The following SOS2 variants were observed in gnomAD, a reference collection of about 807,000 sequenced individuals.
SOS2 encodes SOS Ras/Rho guanine nucleotide exchange factor 2, also known as son of sevenless homolog 2.
In SOS2, 65 loss-of-function variants were observed where a neutral mutation model predicts 148.2. The observed-to-expected ratio is 0.44, with a 90% CI of 0.36 to 0.54. The LOEUF (loss-of-function observed/expected upper bound fraction) is 0.54, where lower values mean the gene tolerates loss of function less well. Ranked by LOEUF, SOS2 falls within the 20% of genes least tolerant of loss-of-function variation. The probability of loss-of-function intolerance (pLI) is 0.00; values close to 1 mark genes in which losing one functional copy is unlikely to be tolerated. For synonymous variants in SOS2, 539 were observed against 537.1 expected (o/e 1.00, Z -0.05); for missense variants, 1,341 against 1,590.2 (o/e 0.84, Z 2.67).
At chr14:50,226,454 G>T (rs561008907) in intron 1 of SOS2, among the ~76,000 whole-genome samples, 1 of 152,252 alleles carries the variant, frequency 6.6e-6, no homozygotes, top group South Asian at 2.1e-4. Flanking sequence ...TACAAACGCA[G>T]AAACACTAGG....
chr14:50,221,422 G>A (rs568837507), intron 1 of SOS2, among the ~76,000 whole-genome samples: 1 of 152,246 alleles, frequency 6.6e-6, no homozygotes, highest in Non-Finnish European at 1.5e-5. Context: ...GAGTAAAGCA[G>A]GGTCTCCTTT....
intron 16 of SOS2, among the ~76,000 whole-genome samples, chr14:50,141,272 C>T (rs908485180): frequency 6.9e-6 from 1 of 145,444 alleles, no homozygotes; most frequent in South Asian, 2.1e-4. Flanking sequence ...GTAATCCCAG[C>T]ACTTTGAGAT....
chr14:50,195,640 A>G (rs1595013943), intron 4 of SOS2, among the ~76,000 whole-genome samples: 1 of 152,020 alleles, frequency 6.6e-6, no homozygotes, highest in East Asian at 1.9e-4. Context: ...AGGCACCTAT[A>G]GCTCTAGCTA....
chr14:50,220,483 A>G (rs1323265999), intron 1 of SOS2, among the ~76,000 whole-genome samples: 1 of 151,696 alleles, frequency 6.6e-6, no homozygotes, highest in Non-Finnish European at 1.5e-5. Flanking sequence ...TCACAGCAGC[A>G]AACAGATCTC....
At chr14:50,187,416 C>T (rs907439714) in intron 5 of SOS2, among the ~76,000 whole-genome samples, 6 of 144,392 alleles carry the variant, frequency 4.2e-5, no homozygotes, top group Admixed American at 1.4e-4. Flanking sequence ...GGCGTGATCT[C>T]GGCTCACTGC....
chr14:50,118,923 A>G (rs1883408715), intron 22 of SOS2, 70 bp from the exon 23 acceptor site: 2 of 1,019,732 alleles, frequency 2.0e-6, no homozygotes, highest in South Asian at 4.8e-5. Flanking sequence ...TTAAGTCTGA[A>G]AAATTCTTAC....
rs953383181 is a variant in SOS2, at chr14:50,118,280, G to T, written c.*64C>A. 31 of 1,334,560 alleles carry T rather than the reference G, an allele frequency of 2.3e-5. 1 individual carries two copies. The highest frequency in any genetic ancestry group is 1.9e-4 in the Middle Eastern group (1 of 5,220). 82.7% of individuals were successfully genotyped at this position (1,334,560 alleles called of 1,614,324 possible). ...GTACTAAAATACTATGTCTTTTTTT[G>T]AATAAATTAAAAAAAAAACTTTACA... On this transcript the variant is annotated 3_prime_UTR_variant, in exon 23 of 23. Coordinates refer to ENST00000216373, the MANE Select transcript of SOS2 (RefSeq NM_006939.4).
In SOS2 at chr14:50,198,668, TGA is replaced by T. The variant is rs143639680; in HGVS notation, c.510+1021_510+1022del. Among the ~76,000 whole-genome samples the T allele has an allele frequency of 9.4e-3, 1,435 of 152,360 alleles. 16 individuals carry two copies. Among genetic ancestry groups the T allele is most frequent in the Middle Eastern group, 0.065 (19 of 294 alleles). ...GCTAGGTCCTGAAGGTTGTTCACCC[TGA>T]GAGAGTTTCATTTAGGCATTTTCTC... On this transcript the variant is annotated intron_variant, in intron 4 of 22. Coordinates refer to ENST00000216373, the MANE Select transcript of SOS2 (RefSeq NM_006939.4).
intron 18 of SOS2, among the ~76,000 whole-genome samples, chr14:50,136,223 T>G (rs1000099696): frequency 6.6e-6 from 1 of 152,216 alleles, no homozygotes; most frequent in Non-Finnish European, 1.5e-5. Flanking sequence ...TCCTCATCCT[T>G]TGCTCTATTT....
chr14:50,200,931 C>T lies in SOS2; in HGVS notation c.345+22G>A, dbSNP rs1740478943. ...ACTTGTTATAAAGAACACCCCCCAACTAATGTTTAATCTTTTGTTACCTTC... is the reference window on the plus strand; with the variant it reads ...ACTTGTTATAAAGAACACCCCCCAATTAATGTTTAATCTTTTGTTACCTTC... On this transcript the variant is annotated intron_variant, in intron 3 of 22. Coordinates refer to ENST00000216373, the MANE Select transcript of SOS2 (RefSeq NM_006939.4). 1.2e-5 allele frequency: 19 copies of T among 1,610,080 alleles called. No individual in the cohort carries two copies. In the South Asian group the frequency reaches 2.0e-4, roughly 17 times the overall value.
chr14:50,138,846 T>C, intron 17 of SOS2, 62 bp from the exon 18 acceptor site: 1 of 648,330 alleles, frequency 1.5e-6, no homozygotes, highest in African/African-American at 1.9e-5. Context: ...TTTAATCAAT[T>C]ATTTGGGAAA....
chr14:50,173,172 CT>C (rs1885421441), intron 8 of SOS2, among the ~76,000 whole-genome samples: 1 of 151,944 alleles, frequency 6.6e-6, no homozygotes, highest in African/African-American at 2.4e-5. Flanking sequence ...AGCAAAGTAT[CT>C]TTCTGCTTGA....
At chr14:50,167,290 G>A (rs1021709057) in intron 8 of SOS2, among the ~76,000 whole-genome samples, 2 of 151,982 alleles carry the variant, frequency 1.3e-5, no homozygotes, top group Non-Finnish European at 2.9e-5. Flanking sequence ...AGCTCTTTAT[G>A]TTATGAATAT....
chr14:50,175,677 C>T (rs1885500338), intron 7 of SOS2, among the ~76,000 whole-genome samples: 2 of 151,940 alleles, frequency 1.3e-5, no homozygotes, highest in African/African-American at 2.4e-5. Context: ...TTGGAAACTA[C>T]TGTAGAATAA....
At chr14:50,126,281 T>TGA (rs1883677840) in intron 21 of SOS2, among the ~76,000 whole-genome samples, 1 of 152,208 alleles carries the variant, frequency 6.6e-6, no homozygotes, top group African/African-American at 2.4e-5. Flanking sequence ...TTCTTTGTGG[T>TGA]GAGAACATTT....
chr14:50,213,790 T>C (rs1305450517), intron 1 of SOS2, among the ~76,000 whole-genome samples: 1 of 148,094 alleles, frequency 6.8e-6, no homozygotes, highest in African/African-American at 2.5e-5. Context: ...AAGTGGAAAG[T>C]GTGTGTGTGG....
At chr14:50,159,060 G>A (rs1884912048) in intron 10 of SOS2, among the ~76,000 whole-genome samples, 1 of 151,954 alleles carries the variant, frequency 6.6e-6, no homozygotes, top group African/African-American at 2.4e-5. Context: ...CATTGTTGCG[G>A]GCGCCTATAG....
At chr14:50,194,765 A>G (rs1177216479) in intron 4 of SOS2, among the ~76,000 whole-genome samples, 1 of 150,206 alleles carries the variant, frequency 6.7e-6, no homozygotes, top group African/African-American at 2.4e-5. Flanking sequence ...GTGACAGAGC[A>G]AGACTCTGTC....
Position 50,150,120 on chromosome 14 carries a change from G to C in SOS2, c.2272C>G (p.Pro758Ala). The part of the protein sequence containing the change: ...HNITFESPPP[P>A]IEWHISKPGQ... ...GGTTTGCTGATATGCCATTCAATTGGTGGAGGTGGACTTTCAAAGGTAATA... is the reference window on the plus strand; with the variant it reads ...GGTTTGCTGATATGCCATTCAATTGCTGGAGGTGGACTTTCAAAGGTAATA... The change falls in exon 14 of 23, where the codon CCA (proline) becomes GCA (alanine). Residue 758 changes from proline to alanine, a missense_variant. Physicochemically the swap from Pro to Ala is conservative, Grantham distance 27. Transcript: ENST00000216373. 1 of 1,612,994 alleles carries C rather than the reference G, an allele frequency of 6.2e-7. No individual in the cohort carries two copies. Among genetic ancestry groups the C allele is most frequent in the Non-Finnish European group, 8.5e-7 (1 of 1,178,968 alleles).
Sources: gnomAD v4.1 joint callset for allele counts (sites outside exome capture counted in the v4.1 genomes callset) on GRCh38, gnomAD v4.1.1 for gene constraint, MANE v1.5 for transcripts, NCBI Gene and HGNC (gene_info 2026-07-23, HGNC 2026-07-21) for gene names.